RASGRF2: variants seen among roughly 807,000 people sequenced by gnomAD.
RASGRF2 encodes the protein ras-specific guanine nucleotide-releasing factor 2.
In RASGRF2, 76 loss-of-function variants were observed where a neutral mutation model predicts 151.0. That is an observed-to-expected ratio of 0.50 (90% CI 0.42 to 0.61). The LOEUF is 0.61. Among genes scored for constraint, RASGRF2 ranks in the 20% least tolerant of loss-of-function variants. RASGRF2 has a pLI of 0.00. For missense variants in RASGRF2, 1,148 were observed against 1,564.6 expected (o/e 0.73, Z 4.49); for synonymous variants, 504 against 566.5 (o/e 0.89, Z 1.57).
chr5:80,985,924 G>GGTGT (rs57558988), intron 1 of RASGRF2, among the ~76,000 whole-genome samples: 41 of 149,964 alleles, frequency 2.7e-4, no homozygotes, highest in South Asian at 6.3e-4. Flanking sequence ...TAGGTCTTTA[G>GGTGT]GTGTGTGTGT....
chr5:81,073,309 G>A lies in RASGRF2; in HGVS notation c.744G>A (p.Val248=), dbSNP rs768646639. The A allele has an allele frequency of 6.2e-7, 1 of 1,614,146 alleles. No homozygotes were observed. Among genetic ancestry groups the A allele is most frequent in the Non-Finnish European group, 8.5e-7 (1 of 1,179,990 alleles). Residue 248 remains valine (V), a synonymous_variant, in exon 5 of 27, where the codon GTG becomes GTA. Coordinates refer to ENST00000265080, the MANE Select transcript of RASGRF2 (RefSeq NM_006909.3). ...AESMRKRNQI[V]FTMVEAESEY... is the part of the protein sequence containing the mutation. ...GTATGAGGAAGAGAAACCAGATTGT[G>A]TTCACCATGGTGGAGGCAGAGTCAG...
chr5:81,049,161 TAAAAAAAA>T (rs3991140), intron 2 of RASGRF2, among the ~76,000 whole-genome samples: 1 of 116,848 alleles, frequency 8.6e-6, no homozygotes, highest in East Asian at 2.5e-4. Context: ...GCAAGTTCCC[TAAAAAAAA>T]AAAAAAAAAA....
chr5:81,022,363 G>C (rs2112339434), intron 1 of RASGRF2, among the ~76,000 whole-genome samples: 1 of 152,300 alleles, frequency 6.6e-6, no homozygotes, highest in Non-Finnish European at 1.5e-5. Context: ...GCTCTGGATA[G>C]ACCCTTTCTT....
intron 1 of RASGRF2, among the ~76,000 whole-genome samples, chr5:81,019,862 T>C (rs1433396368): frequency 1.3e-5 from 2 of 152,214 alleles, no homozygotes; most frequent in African/African-American, 2.4e-5. Flanking sequence ...TTATAAATGA[T>C]TCAAATGATA....
intron 13 of RASGRF2, among the ~76,000 whole-genome samples, chr5:81,111,908 C>T (rs985890200): frequency 6.6e-6 from 1 of 152,092 alleles, no homozygotes; most frequent in Non-Finnish European, 1.5e-5. Flanking sequence ...ATCTGTGTCC[C>T]CCTGTTTGGG....
At chr5:81,143,829 G>T (rs1417506749) in intron 17 of RASGRF2, among the ~76,000 whole-genome samples, 1 of 151,292 alleles carries the variant, frequency 6.6e-6, no homozygotes, top group Non-Finnish European at 1.5e-5. Flanking sequence ...GGCAGAGGTT[G>T]CAATGAGCTG....
At chr5:81,067,401 T>C (rs1293563491) in intron 2 of RASGRF2, among the ~76,000 whole-genome samples, 1 of 152,192 alleles carries the variant, frequency 6.6e-6, no homozygotes, top group East Asian at 1.9e-4. Context: ...ACCAAAGACA[T>C]AGATACAGGC....
At chr5:81,134,049 A>ATG (rs934703702) in intron 17 of RASGRF2, among the ~76,000 whole-genome samples, 4 of 150,090 alleles carry the variant, frequency 2.7e-5, no homozygotes, top group African/African-American at 9.8e-5. Context: ...GGTGATACTA[A>ATG]TGTGAAGCCA....
At chr5:80,996,505 C>CTTCCTCCTCCTCTTCTTCTTCTTCTTCT (rs56082157) in intron 1 of RASGRF2, among the ~76,000 whole-genome samples, 3 of 47,764 alleles carry the variant, frequency 6.3e-5, no homozygotes, top group South Asian at 9.8e-4. Context: ...CTTCTTCTTC[C>CTTCCTCCTCCTCTTCTTCTTCTTCTTCT]TCCTCCTCCT....
chr5:81,216,914 A>C (rs746972612), intron 24 of RASGRF2: 2 of 439,944 alleles, frequency 4.5e-6, no homozygotes, highest in Non-Finnish European at 9.1e-6. Flanking sequence ...AAAACAGAAA[A>C]CAAGTTTTTA....
At chr5:81,097,257 G>A (rs1285670641) in intron 12 of RASGRF2, among the ~76,000 whole-genome samples, 1 of 151,990 alleles carries the variant, frequency 6.6e-6, no homozygotes, top group African/African-American at 2.4e-5. Flanking sequence ...CACTGCACTC[G>A]GCCAAGTTAT....
chr5:81,057,143 A>G (rs934362878), intron 2 of RASGRF2, among the ~76,000 whole-genome samples: 1 of 152,116 alleles, frequency 6.6e-6, no homozygotes, highest in Non-Finnish European at 1.5e-5. Flanking sequence ...TAAGGTTAAT[A>G]TTGTTATGTG....
intron 17 of RASGRF2, among the ~76,000 whole-genome samples, chr5:81,160,496 C>G (rs534320088): frequency 1.3e-5 from 2 of 151,524 alleles, no homozygotes; most frequent in Non-Finnish European, 2.9e-5. Context: ...ACAGTGAAAC[C>G]CCATCTCTAC....
intron 9 of RASGRF2, chr5:81,088,350 A>G (rs1040349503): frequency 2.6e-5 from 4 of 152,298 alleles, no homozygotes; most frequent in Non-Finnish European, 4.4e-5. Context: ...CCTCTCCTCC[A>G]GTTAGAATGG....
At chr5:81,134,525 A>G (rs1451282367) in intron 17 of RASGRF2, among the ~76,000 whole-genome samples, 1 of 152,140 alleles carries the variant, frequency 6.6e-6, no homozygotes, top group African/African-American at 2.4e-5. Flanking sequence ...TACTGGAAAA[A>G]TAAATTCTCG....
chr5:80,972,344 C>A (rs563085242), intron 1 of RASGRF2, among the ~76,000 whole-genome samples: 1 of 152,276 alleles, frequency 6.6e-6, no homozygotes, highest in African/African-American at 2.4e-5. Context: ...CCTTGCCAAC[C>A]CTTGGTCTTA....
chr5:81,064,017 T>G (rs1330748200), intron 2 of RASGRF2, among the ~76,000 whole-genome samples: 1 of 152,226 alleles, frequency 6.6e-6, no homozygotes, highest in Non-Finnish European at 1.5e-5. Context: ...AACAATTTAT[T>G]GTTATACACA....
At chr5:80,976,265 G>A (rs1004278220) in intron 1 of RASGRF2, among the ~76,000 whole-genome samples, 1 of 152,180 alleles carries the variant, frequency 6.6e-6, no homozygotes, top group African/African-American at 2.4e-5. Flanking sequence ...TTAACACTGA[G>A]GCATGCACTT....
At chr5:81,223,074 T>G (rs561870724) in intron 26 of RASGRF2, among the ~76,000 whole-genome samples, 48 of 152,356 alleles carry the variant, frequency 3.2e-4, no homozygotes, top group Admixed American at 1.6e-3. Context: ...AAGACCTTTA[T>G]GTACTGAAGT....
Sources: allele counts gnomAD v4.1 joint callset (sites outside exome capture counted in the v4.1 genomes callset), GRCh38; gene constraint gnomAD v4.1.1; transcripts MANE v1.5; gene names NCBI Gene and HGNC (gene_info 2026-07-23, HGNC 2026-07-21).